The following EIF2B3 variants were observed in gnomAD, a reference collection of about 807,000 sequenced individuals.
The protein encoded by EIF2B3 is translation initiation factor eIF2B subunit gamma.
A neutral mutation model predicts 54.1 loss-of-function variants in EIF2B3; 20 were observed. The ratio of observed to expected loss-of-function variants is 0.37; its 90% CI spans 0.26 to 0.54. The LOEUF (loss-of-function observed/expected upper bound fraction) is 0.54, where lower values mean the gene tolerates loss of function less well. Ranked by LOEUF, EIF2B3 falls within the 20% of genes least tolerant of loss-of-function variation. The pLI, the probability that EIF2B3 is intolerant of heterozygous loss-of-function variation, is 0.86. For synonymous variants in EIF2B3, 153 were observed against 188.1 expected, an observed-to-expected ratio of 0.81 and a Z score of 1.52; for missense variants, 448 against 547.8, an observed-to-expected ratio of 0.82 and a Z score of 1.82.
In EIF2B3 at chr1:44,874,727, C is replaced by A. The variant is rs781679802; in HGVS notation, c.1153G>T (p.Val385Leu). The A allele has an allele frequency of 1.9e-6, 3 of 1,614,054 alleles. No individual in the cohort carries two copies. In the African/African-American group the frequency reaches 4.0e-5, roughly 22 times the overall value. Residue 385 changes from valine to leucine, a missense_variant, in exon 10 of 12, where the codon GTG becomes TTG. Val to Leu is a conservative substitution (Grantham distance 32). Transcript: ENST00000360403. ...ATGAGAAGGCAATTGGTAATAGTCA[C>A]TCTATCTTTTATGAGACAGGATGAG... Reference protein sequence around the residue: ...IGSSCLIKDRVTITNCLLMNS... With the variant: ...IGSSCLIKDRLTITNCLLMNS...
chr1:44,941,339 C>A (rs1485882714), intron 4 of EIF2B3, among the ~76,000 whole-genome samples, 167 bp downstream of exon 4: 2 of 152,194 alleles, frequency 1.3e-5, no homozygotes, highest in African/African-American at 4.8e-5. Context: ...TAGTTCTAAG[C>A]ATTTTCCATT....
Position 44,881,928 on chromosome 1 carries a change from G to A in EIF2B3, c.657-189C>T, listed in dbSNP as rs554216927. 5.0e-4 allele frequency among the ~76,000 whole-genome samples: 76 copies of A among 152,306 alleles called. No homozygotes were observed. The highest frequency in any genetic ancestry group is 1.7e-3 in the African/African-American group (71 of 41,574). The stretch of plus-strand genomic sequence containing the variant: ...GTGCTTCCTGGTGGGTACTGAGACA[G>A]GATGTTGGGTCTAAGTGATCAGGAA... On this transcript the variant is annotated intron_variant, in intron 6 of 11. Transcript: ENST00000360403. This position sits in a 1 kb window ranked among gnomAD's most constrained non-coding sequence, Gnocchi z 4.0.
At chr1:44,889,450 T>C (rs1655723003) in intron 6 of EIF2B3, among the ~76,000 whole-genome samples, 2 of 151,638 alleles carry the variant, frequency 1.3e-5, no homozygotes, top group East Asian at 2.0e-4. Flanking sequence ...GGCAGGAGAA[T>C]TGCTGGAACC....
At chr1:44,893,091 T>C (rs1406550689) in intron 6 of EIF2B3, among the ~76,000 whole-genome samples, 1 of 152,164 alleles carries the variant, frequency 6.6e-6, no homozygotes, top group Non-Finnish European at 1.5e-5. Flanking sequence ...ACAGGGTCTC[T>C]TTCTGTCTAC....
chr1:44,882,060 CAT>C (rs753926696), intron 6 of EIF2B3, among the ~76,000 whole-genome samples: 45 of 152,340 alleles, frequency 3.0e-4, no homozygotes, highest in East Asian at 1.3e-3. Flanking sequence ...GAAACTAGCA[CAT>C]GTTTTTCAGT....
chr1:44,870,453 A>G (rs933436600), intron 10 of EIF2B3, among the ~76,000 whole-genome samples: 1 of 150,782 alleles, frequency 6.6e-6, no homozygotes, highest in Non-Finnish European at 1.5e-5. Flanking sequence ...TCACCTGTCA[A>G]CTCTCCTCTC....
At chr1:44,872,953 C>G (rs1223744646) in intron 10 of EIF2B3, among the ~76,000 whole-genome samples, 1 of 152,180 alleles carries the variant, frequency 6.6e-6, no homozygotes, top group African/African-American at 2.4e-5. Flanking sequence ...AGAGGGGTCT[C>G]TATTAGTGGT....
chr1:44,925,987 G>C (rs367705160), intron 5 of EIF2B3, among the ~76,000 whole-genome samples: 1 of 151,892 alleles, frequency 6.6e-6, no homozygotes, highest in Non-Finnish European at 1.5e-5. Flanking sequence ...TAGCACTTTG[G>C]GGGGCCGAGG....
intron 5 of EIF2B3, chr1:44,925,109 GA>G: frequency 6.6e-6 from 1 of 152,278 alleles, no homozygotes; most frequent in South Asian, 2.1e-4. Flanking sequence ...AAATGCCATG[GA>G]AACAGTATGT....
At position 44,887,046 on chromosome 1, in the gene EIF2B3, TG is replaced by T. The variant is rs34253910; in HGVS notation, c.657-5308del. ...ATGTCCATTGATCTCTCAGAGTGAC[TG>T]GGGATTGTGGGTAAGCTCTCTCTCA... On this transcript the variant is annotated intron_variant, in intron 6 of 11. Transcript: ENST00000360403. 3.8e-3 allele frequency among the ~76,000 whole-genome samples: 574 copies of T among 152,270 alleles called. 3 individuals carry two copies. Among genetic ancestry groups the T allele is most frequent in the African/African-American group, 0.013 (543 of 41,548 alleles).
chr1:44,927,323 CT>C (rs552800577), intron 4 of EIF2B3, among the ~76,000 whole-genome samples: 199 of 152,152 alleles, frequency 1.3e-3, no homozygotes, highest in Non-Finnish European at 2.3e-3. Context: ...CCTCAGGGAA[CT>C]TTTTACTCAT....
chr1:44,936,516 G>A (rs395570), intron 4 of EIF2B3, among the ~76,000 whole-genome samples: 1 of 151,908 alleles, frequency 6.6e-6, no homozygotes, highest in Non-Finnish European at 1.5e-5. Context: ...GCTTGAACCC[G>A]AGAGGCAGAG....
intron 3 of EIF2B3, among the ~76,000 whole-genome samples, chr1:44,977,021 G>A (rs1483713109): frequency 6.6e-6 from 1 of 152,164 alleles, no homozygotes; most frequent in Non-Finnish European, 1.5e-5. Context: ...AATAAAAGGG[G>A]TGGGAAAGCC....
chr1:44,960,098 G>T (rs1485431713), intron 3 of EIF2B3, among the ~76,000 whole-genome samples: 1 of 152,122 alleles, frequency 6.6e-6, no homozygotes, highest in Non-Finnish European at 1.5e-5. Context: ...GTTTGGAGGT[G>T]TGCTTATGTC....
chr1:44,876,839 T>G (rs139736128), intron 8 of EIF2B3, among the ~76,000 whole-genome samples: 1,570 of 143,960 alleles, frequency 0.011, 18 homozygotes, highest in Non-Finnish European at 0.018. Flanking sequence ...CTTTTCATTT[T>G]GTTCTGTACT....
chr1:44,959,153 T>C (rs771124514), intron 3 of EIF2B3: 17 of 724,864 alleles, frequency 2.3e-5, no homozygotes, highest in Non-Finnish European at 3.9e-5. Flanking sequence ...CCATCTACGA[T>C]TGCACAGTCT....
chr1:44,974,747 G>A (rs1263359727), intron 3 of EIF2B3, among the ~76,000 whole-genome samples: 1 of 152,102 alleles, frequency 6.6e-6, no homozygotes, highest in African/African-American at 2.4e-5. Context: ...GCAATATGAT[G>A]ATAAGGTCCT....
At chr1:44,865,739 C>T (rs563512958) in intron 10 of EIF2B3, among the ~76,000 whole-genome samples, 4 of 152,020 alleles carry the variant, frequency 2.6e-5, no homozygotes, top group Non-Finnish European at 4.4e-5. Flanking sequence ...TGCGCCACCA[C>T]GCCCGAGTAA....
At chr1:44,922,371 G>T (rs1297553978) in intron 5 of EIF2B3, among the ~76,000 whole-genome samples, 1 of 151,584 alleles carries the variant, frequency 6.6e-6, no homozygotes, top group African/African-American at 2.4e-5. Context: ...AGGGTCACCT[G>T]AGGTCAGGAG....
Sources: gnomAD v4.1 joint callset for allele counts (sites outside exome capture counted in the v4.1 genomes callset) on GRCh38, gnomAD v4.1.1 for gene constraint, Gnocchi (gnomAD v3.1) non-coding constraint, MANE v1.5 for transcripts, NCBI Gene and HGNC (gene_info 2026-07-23, HGNC 2026-07-21) for gene names.